Variants in PTPRM observed in about 807,000 individuals in gnomAD.
The protein encoded by PTPRM is protein tyrosine phosphatase receptor type M, also known as receptor-type tyrosine-protein phosphatase mu.
Under a neutral mutation model 186.7 loss-of-function variants are expected in PTPRM, and 47 were observed. That is an observed-to-expected ratio of 0.25 (90% CI 0.20 to 0.32). The LOEUF is 0.32. Ranked by LOEUF, PTPRM falls within the 10% of genes least tolerant of loss-of-function variation. The probability of loss-of-function intolerance (pLI) is 1.00; values close to 1 mark genes in which losing one functional copy is unlikely to be tolerated. For missense variants in PTPRM, 1,494 were observed against 1,865.0 expected (o/e 0.80, Z 3.66); for synonymous variants, 668 against 674.9 (o/e 0.99, Z 0.16).
chr18:7,707,652 A>T (rs1568042945), intron 1 of PTPRM, among the ~76,000 whole-genome samples: 1 of 152,072 alleles, frequency 6.6e-6, no homozygotes, highest in Non-Finnish European at 1.5e-5. Context: ...ATAATAAATA[A>T]TGAATACATA....
In PTPRM at chr18:8,384,693, G is replaced by A. The variant is rs755199699; in HGVS notation, c.4044+7G>A. On this transcript the variant is annotated splice_region_variant and intron_variant, in intron 30 of 32. Coordinates refer to ENST00000580170, the MANE Select transcript of PTPRM (RefSeq NM_001105244.2). ...CATTTACAATGCCGCCAGAGTAAGA[G>A]ACGGGCCTGTCATGCCTGTGATTAT... The A allele has an allele frequency of 6.2e-7, 1 of 1,614,048 alleles. No individual in the cohort carries two copies. The highest frequency in any genetic ancestry group is 8.5e-7 in the Non-Finnish European group (1 of 1,179,940).
At position 8,125,997 on chromosome 18, in the gene PTPRM, A is replaced by T. The variant is rs1301603002; in HGVS notation, c.2167+11170A>T. 2.3e-3 allele frequency among the ~76,000 whole-genome samples: 28 copies of T among 12,164 alleles called. 1 individual carries two copies. The highest frequency in any genetic ancestry group is 4.3e-3 in the African/African-American group (27 of 6,288). The allele number at this position is 12,164 out of a possible 152,430, so 8.0% of individuals were successfully genotyped here. ...TATACATATATATATATATATATAT[A>T]TATATATATATATATATATATATAT... On this transcript the variant is annotated intron_variant, in intron 13 of 32. Transcript: ENST00000580170.
intron 14 of PTPRM, among the ~76,000 whole-genome samples, chr18:8,173,930 TG>T (rs1480552337): frequency 1.3e-5 from 2 of 151,948 alleles, no homozygotes; most frequent in South Asian, 2.1e-4. Flanking sequence ...TTAGCCTGTG[TG>T]GTGGTGTCGC....
At chr18:7,773,172 C>T (rs1163356198) in intron 1 of PTPRM, among the ~76,000 whole-genome samples, 2 of 151,954 alleles carry the variant, frequency 1.3e-5, no homozygotes, top group Non-Finnish European at 2.9e-5. Context: ...TTACCACATG[C>T]TTAGTCTCGA....
At chr18:8,364,354 C>T (rs1434453145) in intron 23 of PTPRM, among the ~76,000 whole-genome samples, 2 of 152,062 alleles carry the variant, frequency 1.3e-5, no homozygotes, top group African/African-American at 4.8e-5. Flanking sequence ...GACTGAGGCT[C>T]AGGGGGTGTA....
At chr18:7,996,110 A>G (rs984454076) in intron 7 of PTPRM, among the ~76,000 whole-genome samples, 1 of 151,814 alleles carries the variant, frequency 6.6e-6, no homozygotes, top group Non-Finnish European at 1.5e-5. Flanking sequence ...AAAAGCTTTT[A>G]TTTCTTGGTA....
At chr18:8,196,190 T>G (rs966958422) in intron 14 of PTPRM, among the ~76,000 whole-genome samples, 2 of 152,222 alleles carry the variant, frequency 1.3e-5, no homozygotes, top group African/African-American at 4.8e-5. Flanking sequence ...TGCCTCAGCA[T>G]TTCTTAAGAA....
Position 8,152,015 on chromosome 18 carries a change from A to G in PTPRM, c.2300+8236A>G, listed in dbSNP as rs1253437636. Among the ~76,000 whole-genome samples, 3 of 151,794 alleles carry G rather than the reference A, an allele frequency of 2.0e-5. No homozygotes were observed. The East Asian group carries it at 5.8e-4, about 29-fold the overall frequency. On this transcript the variant is annotated intron_variant, in intron 14 of 32. Coordinates refer to ENST00000580170, the MANE Select transcript of PTPRM (RefSeq NM_001105244.2). ...TGTCCAACCAGTCCCAATTTGATGA[A>G]CCATATACCTCAGTTGGAAATGCAG...
intron 7 of PTPRM, among the ~76,000 whole-genome samples, chr18:7,962,629 C>T (rs1270720155): frequency 6.6e-6 from 1 of 152,154 alleles, no homozygotes; most frequent in Non-Finnish European, 1.5e-5. Context: ...GGCAAGGGGG[C>T]ATTACATGAA....
intron 13 of PTPRM, among the ~76,000 whole-genome samples, chr18:8,141,226 C>G (rs559038975): frequency 6.6e-6 from 1 of 152,290 alleles, no homozygotes; most frequent in East Asian, 1.9e-4. Flanking sequence ...TGTGTTTACA[C>G]TGATGCTTCT....
At chr18:8,033,604 G>T (rs996669182) in intron 7 of PTPRM, among the ~76,000 whole-genome samples, 9 of 152,102 alleles carry the variant, frequency 5.9e-5, no homozygotes, top group Admixed American at 3.9e-4. Flanking sequence ...TGTAGAAAAG[G>T]TACAGTAAAA....
chr18:8,274,860 C>T (rs2094815399), intron 19 of PTPRM, among the ~76,000 whole-genome samples: 1 of 152,152 alleles, frequency 6.6e-6, no homozygotes, highest in Admixed American at 6.6e-5. Context: ...AGGAAGAACT[C>T]ACTGGGATTT....
At chr18:7,834,194 G>T in intron 2 of PTPRM, among the ~76,000 whole-genome samples, 1 of 151,898 alleles carries the variant, frequency 6.6e-6, no homozygotes, top group Non-Finnish European at 1.5e-5. Context: ...TGATCGTATG[G>T]TTTTTGTCTT....
intron 6 of PTPRM, among the ~76,000 whole-genome samples, chr18:7,952,668 G>A (rs1363718248): frequency 4.9e-5 from 7 of 142,886 alleles, no homozygotes; most frequent in East Asian, 4.2e-4. Flanking sequence ...TGCACTGGGC[G>A]ACAGAGCAAG....
At chr18:8,358,249 GCACACACA>G (rs144869213) in intron 23 of PTPRM, among the ~76,000 whole-genome samples, 2 of 147,550 alleles carry the variant, frequency 1.4e-5, no homozygotes, top group African/African-American at 5.0e-5. Context: ...CACATGACAC[GCACACACA>G]CACACACACA....
intron 22 of PTPRM, among the ~76,000 whole-genome samples, chr18:8,341,995 T>A (rs2095477791): frequency 6.6e-6 from 1 of 152,158 alleles, no homozygotes; most frequent in Non-Finnish European, 1.5e-5. Flanking sequence ...AGGGATTAGA[T>A]GCAGAGACAT....
chr18:8,259,574 T>G (rs2094606937), intron 19 of PTPRM, among the ~76,000 whole-genome samples: 1 of 152,112 alleles, frequency 6.6e-6, no homozygotes, highest in South Asian at 2.1e-4. Context: ...TTGCTGCCTT[T>G]GTCTATATTT....
intron 2 of PTPRM, among the ~76,000 whole-genome samples, chr18:7,877,609 T>C (rs1189845931): frequency 2.6e-5 from 4 of 152,158 alleles, no homozygotes; most frequent in African/African-American, 9.7e-5. Context: ...CAACCACCTC[T>C]TTGATTAGGA....
chr18:8,023,856 ACACACACACACACACG>A (rs2085383988), intron 7 of PTPRM, among the ~76,000 whole-genome samples: 1 of 140,044 alleles, frequency 7.1e-6, no homozygotes, highest in Non-Finnish European at 1.6e-5. Flanking sequence ...ACACACACAC[ACACACACACACACACG>A]CACACCCCTC....
Sources: gnomAD v4.1 joint callset for allele counts (sites outside exome capture counted in the v4.1 genomes callset) on GRCh38, gnomAD v4.1.1 for gene constraint, MANE v1.5 for transcripts, NCBI Gene and HGNC (gene_info 2026-07-23, HGNC 2026-07-21) for gene names.